The following VWA8 variants were observed in gnomAD, a reference collection of about 807,000 sequenced individuals.
VWA8 encodes the protein von Willebrand factor A domain containing 8.
In VWA8, 221 loss-of-function variants were observed where a neutral mutation model predicts 241.5. The observed-to-expected ratio is 0.91, with a 90% confidence interval of 0.82 to 1.02. The LOEUF (loss-of-function observed/expected upper bound fraction) is 1.02, where lower values mean the gene tolerates loss of function less well. Among genes scored for constraint, VWA8 ranks in the 50% least tolerant of loss-of-function variants. The pLI is 0.00. For synonymous variants in VWA8, 852 were observed against 827.1 expected, an observed-to-expected ratio of 1.03 and a Z score of -0.52; for missense variants, 2,322 against 2,328.7, an observed-to-expected ratio of 1.00 and a Z score of 0.06.
intron 2 of VWA8, among the ~76,000 whole-genome samples, chr13:41,929,182 G>A (rs1328402928): frequency 6.8e-6 from 1 of 146,980 alleles, no homozygotes; most frequent in African/African-American, 2.5e-5. Context: ...TTGAGATAGG[G>A]TCTCACTCTG....
intron 9 of VWA8, among the ~76,000 whole-genome samples, chr13:41,880,782 A>C (rs543861758): frequency 1.3e-4 from 20 of 152,298 alleles, no homozygotes; most frequent in African/African-American, 4.8e-4. Flanking sequence ...ATACAATGTC[A>C]ATTTGTCCCA....
chr13:41,799,958 G>A (rs1869873237), intron 17 of VWA8, among the ~76,000 whole-genome samples: 1 of 152,042 alleles, frequency 6.6e-6, no homozygotes, highest in Non-Finnish European at 1.5e-5. Context: ...AGTCTACCTG[G>A]CTTCAGGCTA....
At chr13:41,937,402 G>A (rs575417795) in intron 2 of VWA8, among the ~76,000 whole-genome samples, 4 of 152,280 alleles carry the variant, frequency 2.6e-5, no homozygotes, top group Non-Finnish European at 4.4e-5. Context: ...GTGAGAGATC[G>A]TCAGGCATTA....
chr13:41,780,764 G>T (rs1326985380), intron 19 of VWA8, among the ~76,000 whole-genome samples: 1 of 152,140 alleles, frequency 6.6e-6, no homozygotes, highest in Non-Finnish European at 1.5e-5. Context: ...AGGAACAAAG[G>T]TCATTGCTTA....
intron 42 of VWA8, among the ~76,000 whole-genome samples, chr13:41,586,727 G>A (rs934224682): frequency 6.6e-6 from 1 of 152,198 alleles, no homozygotes; most frequent in African/African-American, 2.4e-5. Flanking sequence ...ACTGATTTCT[G>A]TAGGACATGT....
intron 2 of VWA8, among the ~76,000 whole-genome samples, chr13:41,924,240 A>T (rs1487243907): frequency 2.0e-5 from 3 of 152,154 alleles, no homozygotes; most frequent in Non-Finnish European, 2.9e-5. Context: ...AAATCTTGGA[A>T]CTGGAGAATG....
chr13:41,819,137 C>T (rs1349302993), intron 15 of VWA8, 81 bp downstream of exon 15: 3 of 1,414,582 alleles, frequency 2.1e-6, no homozygotes, highest in East Asian at 4.9e-5. Context: ...AAATGTCTAA[C>T]TCTACTTTGG....
intron 12 of VWA8, among the ~76,000 whole-genome samples, chr13:41,864,276 C>T (rs1241210396): frequency 3.3e-5 from 5 of 151,930 alleles, no homozygotes; most frequent in East Asian, 1.9e-4. Flanking sequence ...AAAAATTAAA[C>T]GCAGAATTAC....
At chr13:41,865,302 C>G (rs966046431) in intron 12 of VWA8, 4 of 389,058 alleles carry the variant, frequency 1.0e-5, no homozygotes, top group African/African-American at 8.6e-5. Flanking sequence ...ATACATTTAT[C>G]TTTTCTTTAT....
chr13:41,940,266 T>A (rs1398085786), intron 2 of VWA8, among the ~76,000 whole-genome samples: 2 of 152,232 alleles, frequency 1.3e-5, no homozygotes, highest in Non-Finnish European at 2.9e-5. Flanking sequence ...TGAAAGTCTA[T>A]CATTTTATGT....
intron 2 of VWA8, among the ~76,000 whole-genome samples, chr13:41,947,464 A>G (rs1056378194): frequency 8.5e-5 from 13 of 152,234 alleles, no homozygotes; most frequent in African/African-American, 3.1e-4. Context: ...TTGGGCAAAT[A>G]ATGATTGCAA....
intron 20 of VWA8, among the ~76,000 whole-genome samples, chr13:41,762,537 T>C (rs574410251): frequency 6.6e-5 from 10 of 152,152 alleles, no homozygotes; most frequent in Non-Finnish European, 1.3e-4. Context: ...TTGAAATTGA[T>C]TTTGGTAATC....
intron 4 of VWA8, chr13:41,905,320 C>T (rs1875656108): frequency 6.6e-6 from 1 of 151,830 alleles, no homozygotes; most frequent in African/African-American, 2.4e-5. Flanking sequence ...GAGAATTTTT[C>T]ATTACAAAAC....
intron 26 of VWA8, among the ~76,000 whole-genome samples, chr13:41,706,263 C>G (rs11619186): frequency 0.17 from 26,451 of 152,106 alleles, 2,450 homozygotes; most frequent in Non-Finnish European, 0.22. Flanking sequence ...TTGTCTGGCT[C>G]TATATAAAAA....
At chr13:41,641,243 G>A (rs12864117) in intron 37 of VWA8, among the ~76,000 whole-genome samples, 4,933 of 152,298 alleles carry the variant, frequency 0.032, 89 homozygotes, top group South Asian at 0.077. Context: ...GCATGGCTGG[G>A]AGTGTTTTCT....
chr13:41,691,105 T>TCATATGATCCA (rs1207195299), intron 32 of VWA8, among the ~76,000 whole-genome samples: 1 of 152,148 alleles, frequency 6.6e-6, no homozygotes, highest in East Asian at 1.9e-4. Flanking sequence ...AGTCATGATT[T>TCATATGATCCA]TTTAACTGTT....
chr13:41,844,963 A>G (rs6561017), intron 12 of VWA8, among the ~76,000 whole-genome samples: 55,393 of 151,994 alleles, frequency 0.36, 10,447 homozygotes, highest in African/African-American at 0.46. Context: ...TGTTAAAATG[A>G]CCATACTGCC....
intron 24 of VWA8, among the ~76,000 whole-genome samples, chr13:41,724,651 G>A (rs1272154344): frequency 6.6e-6 from 1 of 152,172 alleles, no homozygotes; most frequent in Non-Finnish European, 1.5e-5. Flanking sequence ...TCTCAGTGCA[G>A]TAGGAAGACA....
intron 12 of VWA8, among the ~76,000 whole-genome samples, chr13:41,841,515 G>A (rs1469485343): frequency 5.3e-5 from 8 of 151,726 alleles, no homozygotes; most frequent in East Asian, 1.9e-4. Context: ...GGCCGGGTGC[G>A]GTGGCTCACG....
Sources: allele counts gnomAD v4.1 joint callset (sites outside exome capture counted in the v4.1 genomes callset), GRCh38; gene constraint gnomAD v4.1.1; transcripts MANE v1.5; gene names NCBI Gene and HGNC (gene_info 2026-07-23, HGNC 2026-07-21).